Variants in TANK observed in about 807,000 individuals in gnomAD.
The protein encoded by TANK is TRAF family member-associated NF-kappa-B activator.
Under a neutral mutation model 43.6 loss-of-function variants are expected in TANK, and 15 were observed. The ratio of observed to expected loss-of-function variants is 0.34; its 90% CI spans 0.23 to 0.53. The LOEUF (loss-of-function observed/expected upper bound fraction) is 0.53, where lower values mean the gene tolerates loss of function less well. Among genes scored for constraint, TANK ranks in the 20% least tolerant of loss-of-function variants. TANK has a pLI of 0.94. For synonymous variants in TANK, 162 were observed against 178.2 expected (o/e 0.91, Z 0.73); for missense variants, 417 against 498.6 (o/e 0.84, Z 1.56).
intron 1 of TANK, chr2:161,161,517 A>G: frequency 6.7e-7 from 1 of 1,492,234 alleles, no homozygotes; most frequent in Non-Finnish European, 9.0e-7. Context: ...AGGAAGTGAA[A>G]TCCTTCTCAG....
chr2:161,214,883 C>G (rs1049300383), intron 4 of TANK, among the ~76,000 whole-genome samples: 1 of 152,176 alleles, frequency 6.6e-6, no homozygotes, highest in Non-Finnish European at 1.5e-5. Flanking sequence ...AACACAGACA[C>G]AGATGATGCT....
intron 2 of TANK, 98 bp from the exon 3 acceptor site, chr2:161,203,389 A>C (rs924716440): frequency 4.0e-6 from 3 of 744,704 alleles, no homozygotes; most frequent in South Asian, 4.1e-5. Flanking sequence ...CAAAATGACA[A>C]TGTGGGCAAC....
chr2:161,153,363 T>G (rs1684131033), intron 1 of TANK, among the ~76,000 whole-genome samples: 2 of 152,070 alleles, frequency 1.3e-5, no homozygotes. Flanking sequence ...TAAAGACATT[T>G]TAAGTGATAA....
intron 2 of TANK, among the ~76,000 whole-genome samples, chr2:161,184,417 T>G (rs999493532): frequency 2.6e-5 from 4 of 152,144 alleles, no homozygotes; most frequent in Admixed American, 2.6e-4. Flanking sequence ...TTTATGCACT[T>G]TAATATATGT....
Position 161,179,667 on chromosome 2 carries a change from A to G in TANK, c.5A>G (p.Asp2Gly), listed in dbSNP as rs1176945898. 6.2e-7 allele frequency: 1 copy of G among 1,613,176 alleles called. No homozygotes were observed. The highest frequency in any genetic ancestry group is 8.5e-7 in the Non-Finnish European group (1 of 1,179,580). Residue 2 changes from aspartate (D) to glycine (G), a missense_variant, in exon 2 of 8, where the codon GAT becomes GGT. Physicochemically the swap from Asp to Gly is moderately conservative, Grantham distance 94. Transcript: ENST00000392749. ...GATGCTACAGGACGAAGAGGAATGG[A>G]TAAAAACATTGGCGAGCAACTCAAT... is the stretch of plus-strand genomic sequence containing the variant. M[D>G]KNIGEQLNKA...
At chr2:161,226,629 C>G (rs563626810) in intron 6 of TANK, among the ~76,000 whole-genome samples, 3 of 152,056 alleles carry the variant, frequency 2.0e-5, no homozygotes, top group Non-Finnish European at 2.9e-5. Context: ...TTTTAAATAA[C>G]CAGATATGAT....
intron 4 of TANK, among the ~76,000 whole-genome samples, chr2:161,218,099 G>A (rs1687198687): frequency 6.6e-6 from 1 of 152,070 alleles, no homozygotes; most frequent in Non-Finnish European, 1.5e-5. Flanking sequence ...CAAAACTTGA[G>A]TAAATCTATC....
Position 161,231,182 on chromosome 2 carries a change from T to C in TANK, c.732T>C (p.Thr244=), listed in dbSNP as rs188757076. Residue 244 remains threonine, a synonymous_variant, in exon 7 of 8, where the codon ACT becomes ACC. Transcript: ENST00000392749. The stretch of plus-strand genomic sequence containing the variant: ...TTCCACCTATGGACAATGACTCAAC[T>C]TTCTTACATAGCACTCCAGAGAGAC... ...VKFPPMDNDS[T]FLHSTPERPG... 5.0e-6 allele frequency: 8 copies of C among 1,614,008 alleles called. No individual in the cohort carries two copies. The East Asian group carries it at 1.6e-4, about 31-fold the overall frequency.
At chr2:161,198,470 G>A (rs539245476) in intron 2 of TANK, among the ~76,000 whole-genome samples, 2 of 152,210 alleles carry the variant, frequency 1.3e-5, no homozygotes, top group Non-Finnish European at 2.9e-5. Context: ...ACTGGTCTGG[G>A]GTCTTGGGAT....
intron 2 of TANK, among the ~76,000 whole-genome samples, chr2:161,190,648 G>A (rs370794613): frequency 3.9e-5 from 6 of 152,112 alleles, no homozygotes; most frequent in South Asian, 2.1e-4. Flanking sequence ...AATTGTACAC[G>A]TGCTACAGAG....
Position 161,172,355 on chromosome 2 carries a change from CTT to C in TANK, c.-49-7241_-49-7240del, listed in dbSNP as rs72017971. On this transcript the variant is annotated intron_variant, in intron 1 of 7. Coordinates refer to ENST00000392749, the MANE Select transcript of TANK (RefSeq NM_001199135.3). ...TTTTCAAAAATGTAGTTTTTTTCGG[CTT>C]TTTTTTTTTTTTTTTTTGGGGGTAA... Among the ~76,000 whole-genome samples the C allele has an allele frequency of 8.9e-4, 79 of 89,200 alleles. 1 individual carries two copies. The highest frequency in any genetic ancestry group is 1.4e-3 in the Non-Finnish European group (61 of 45,138). 58.5% of individuals were successfully genotyped at this position (89,200 alleles called of 152,430 possible).
At chr2:161,230,838 T>A (rs1021452031) in intron 6 of TANK, 133 bp from the exon 7 acceptor site, 1 of 721,920 alleles carries the variant, frequency 1.4e-6, no homozygotes, top group African/African-American at 1.8e-5. Flanking sequence ...TAGCAAATTT[T>A]AAAATCCCAG....
At chr2:161,138,188 GT>G (rs1683642901) in intron 1 of TANK, among the ~76,000 whole-genome samples, 1 of 152,014 alleles carries the variant, frequency 6.6e-6, no homozygotes, top group South Asian at 2.1e-4. Context: ...TAAATACCAT[GT>G]AATATTTCAT....
At chr2:161,178,799 A>G (rs576274605) in intron 1 of TANK, among the ~76,000 whole-genome samples, 1 of 152,152 alleles carries the variant, frequency 6.6e-6, no homozygotes, top group Non-Finnish European at 1.5e-5. Context: ...AATATAACTG[A>G]TAGAGAACTT....
At chr2:161,212,814 C>A in intron 4 of TANK, 1 of 967,476 alleles carries the variant, frequency 1.0e-6, no homozygotes, top group South Asian at 4.8e-5. Context: ...AAGGAATAGC[C>A]CCCTGTCCAC....
chr2:161,169,018 T>C (rs919490101), intron 1 of TANK, among the ~76,000 whole-genome samples: 19 of 152,232 alleles, frequency 1.2e-4, no homozygotes, highest in African/African-American at 4.6e-4. Flanking sequence ...AAAAATTTAC[T>C]TCCCAAACAC....
chr2:161,179,535 G>A, intron 1 of TANK, 79 bp from the exon 2 acceptor site: 3 of 1,301,726 alleles, frequency 2.3e-6, no homozygotes, highest in Non-Finnish European at 3.1e-6. Context: ...AAACCTTATA[G>A]AACTATCTTT....
intron 2 of TANK, among the ~76,000 whole-genome samples, chr2:161,185,231 A>G (rs1217696260): frequency 2.0e-5 from 3 of 152,216 alleles, no homozygotes; most frequent in African/African-American, 7.2e-5. Context: ...AAGAGCTTCA[A>G]GAAGGAAGCA....
At position 161,225,315 on chromosome 2, in the gene TANK, A is replaced by G. The variant is rs975246039; in HGVS notation, c.520+569A>G. Among the ~76,000 whole-genome samples, 5 of 152,098 alleles carry G rather than the reference A, an allele frequency of 3.3e-5. 1 individual carries two copies. In the South Asian group the frequency reaches 1.0e-3, roughly 31 times the overall value. On this transcript the variant is annotated intron_variant, in intron 6 of 7. Transcript: ENST00000392749. ...ATTCACAGGCCTGATGGTGCACTACAGCCTTGAACTCCTGGGCTCAAGAAT... is the reference window on the plus strand; with the variant it reads ...ATTCACAGGCCTGATGGTGCACTACGGCCTTGAACTCCTGGGCTCAAGAAT...
Sources: allele counts gnomAD v4.1 joint callset (sites outside exome capture counted in the v4.1 genomes callset), GRCh38; gene constraint gnomAD v4.1.1; transcripts MANE v1.5; gene names NCBI Gene and HGNC (gene_info 2026-07-23, HGNC 2026-07-21).